Variants in SLC6A6 observed in about 807,000 individuals in gnomAD.
The protein encoded by SLC6A6 is solute carrier family 6 member 6, also known as sodium- and chloride-dependent taurine transporter.
Under a neutral mutation model 68.8 loss-of-function variants are expected in SLC6A6, and 16 were observed. That is an observed-to-expected ratio of 0.23 (90% confidence interval 0.16 to 0.35). The LOEUF is 0.35. SLC6A6 is among the 10% of genes least tolerant of loss of function. The probability of loss-of-function intolerance (pLI) is 1.00; values close to 1 mark genes in which losing one functional copy is unlikely to be tolerated. For missense variants in SLC6A6, 474 were observed against 802.8 expected (o/e 0.59, Z 4.95); for synonymous variants, 312 against 315.4 (o/e 0.99, Z 0.12).
intron 6 of SLC6A6, among the ~76,000 whole-genome samples, chr3:14,463,368 G>T (rs575747882): frequency 6.6e-6 from 1 of 152,204 alleles, no homozygotes; most frequent in Non-Finnish European, 1.5e-5. Context: ...CACAAAATCC[G>T]CACTGCATAA....
intron 5 of SLC6A6, among the ~76,000 whole-genome samples, chr3:14,452,964 T>G (rs985885341): frequency 1.3e-5 from 2 of 152,194 alleles, no homozygotes; most frequent in East Asian, 3.9e-4. Context: ...CACGTATCAT[T>G]AGACTTTATT....
chr3:14,442,418 T>C (rs1211305631), intron 2 of SLC6A6, among the ~76,000 whole-genome samples: 1 of 152,174 alleles, frequency 6.6e-6, no homozygotes, highest in East Asian at 1.9e-4. Flanking sequence ...AGCTCATCCG[T>C]TTTCTGTGTC....
At chr3:14,432,518 G>T (rs1001148304) in intron 2 of SLC6A6, among the ~76,000 whole-genome samples, 4 of 152,202 alleles carry the variant, frequency 2.6e-5, no homozygotes, top group African/African-American at 9.7e-5. Context: ...GGGCCATGGG[G>T]GAAGGAGATG....
At chr3:14,451,770 A>G (rs1208949306) in intron 5 of SLC6A6, among the ~76,000 whole-genome samples, 1 of 152,146 alleles carries the variant, frequency 6.6e-6, no homozygotes, top group East Asian at 1.9e-4. Flanking sequence ...CCCCCTGAAG[A>G]TAGCCACCAA....
rs555960919 is a variant in SLC6A6, at chr3:14,478,667, G to A, written c.1450+99G>A. On this transcript the variant is annotated intron_variant, in intron 12 of 14. Transcript: ENST00000622186. ...GAGAATACTAACAGAAATTCAATTT[G>A]AGTTGAACAGTAGGCCCTCCCTACC... The A allele has an allele frequency of 1.1e-4, 87 of 795,186 alleles. No homozygotes were observed. In the African/African-American group the frequency reaches 1.3e-3, roughly 12 times the overall value. The allele number at this position is 795,186 out of a possible 1,614,324, so 49.3% of individuals were successfully genotyped here.
chr3:14,435,155 G>A (rs1699823117), intron 2 of SLC6A6, among the ~76,000 whole-genome samples: 1 of 152,322 alleles, frequency 6.6e-6, no homozygotes, highest in Non-Finnish European at 1.5e-5. Context: ...TGGCACCAAG[G>A]TCATGGAGTT....
rs1701253236 is a variant in SLC6A6 at position 14,488,923 on chromosome 3, T to A, written c.*3916T>A. The A allele has an allele frequency of 6.6e-6, 1 of 152,620 alleles. No homozygotes were observed. The highest frequency in any genetic ancestry group is 1.5e-5 in the Non-Finnish European group (1 of 68,040). The allele number at this position is 152,620 out of a possible 1,614,324, so 9.5% of individuals were successfully genotyped here. On this transcript the variant is annotated 3_prime_UTR_variant, in exon 15 of 15. Transcript: ENST00000622186. The stretch of plus-strand genomic sequence containing the variant: ...AGATGTTGGCTTCATTTTTTTTTTT[T>A]ACCCAATTAATCTCCCAATCCCTAG...
At chr3:14,417,422 C>T (rs560846003) in intron 2 of SLC6A6, among the ~76,000 whole-genome samples, 16 of 152,090 alleles carry the variant, frequency 1.1e-4, no homozygotes, top group Admixed American at 3.3e-4. Context: ...CACCTCAATC[C>T]TTCAGGCCTT....
At chr3:14,479,766 T>C (rs983393128) in intron 13 of SLC6A6, among the ~76,000 whole-genome samples, 3 of 152,192 alleles carry the variant, frequency 2.0e-5, no homozygotes, top group African/African-American at 7.2e-5. Context: ...TCGCCCACCA[T>C]GTTGGAGTTG....
intron 14 of SLC6A6, among the ~76,000 whole-genome samples, chr3:14,482,926 A>G (rs976151661): frequency 1.3e-5 from 2 of 152,136 alleles, no homozygotes; most frequent in African/African-American, 2.4e-5. Context: ...GTGACCCCAC[A>G]ATACTCCAGG....
chr3:14,484,789 G>T, intron 14 of SLC6A6, 78 bp from the exon 15 acceptor site: 1 of 1,476,230 alleles, frequency 6.8e-7, no homozygotes, highest in Non-Finnish European at 9.4e-7. Context: ...GCCAATTCAG[G>T]AGGAGGCAGA....
intron 2 of SLC6A6, among the ~76,000 whole-genome samples, chr3:14,429,480 G>A (rs1159110971): frequency 6.6e-6 from 1 of 152,246 alleles, no homozygotes; most frequent in Non-Finnish European, 1.5e-5. Flanking sequence ...CTCACAGTCT[G>A]GCAGATGAGA....
chr3:14,477,739 G>T lies in SLC6A6; in HGVS notation c.1347+397G>T, dbSNP rs922283935. On this transcript the variant is annotated intron_variant, in intron 11 of 14. Transcript: ENST00000622186. This position sits in a 1 kb window ranked among gnomAD's most constrained non-coding sequence, Gnocchi z 4.2. ...AGGAAATACCACAGCACCACGTAGA[G>T]GTGCACCACCTTGCAGGTCACCTGC... Among the ~76,000 whole-genome samples, 1 of 152,172 alleles carries T rather than the reference G, an allele frequency of 6.6e-6. No homozygotes were observed. The highest frequency in any genetic ancestry group is 1.5e-5 in the Non-Finnish European group (1 of 68,042).
Position 14,468,363 on chromosome 3 carries a change from C to T in SLC6A6, c.1096+151C>T. On this transcript the variant is annotated intron_variant, in intron 9 of 14. Coordinates refer to ENST00000622186, the MANE Select transcript of SLC6A6 (RefSeq NM_003043.6). The surrounding 1 kb of genome is among the most constrained non-coding windows in gnomAD (Gnocchi z 4.5). ...CCCCCCCCGCCACCAAGATATCCCC[C>T]AAATTTCAAAGAGTACAAAGCCAAA... 1.4e-6 allele frequency: 1 copy of T among 726,028 alleles called. No individual in the cohort carries two copies. Among genetic ancestry groups the T allele is most frequent in the Non-Finnish European group, 2.2e-6 (1 of 460,436 alleles). 45.0% of individuals were successfully genotyped at this position (726,028 alleles called of 1,614,324 possible). A position where few individuals can be genotyped will look rare whatever the true frequency, so the allele number is the denominator to read the frequency against.
chr3:14,445,620 ATT>A (rs1700101473), intron 3 of SLC6A6, 95 bp from the exon 4 acceptor site: 2 of 1,389,336 alleles, frequency 1.4e-6, no homozygotes, highest in Non-Finnish European at 2.0e-6. Context: ...CCCCTCATGC[ATT>A]CTCTCTGGTT....
Position 14,468,320 on chromosome 3 carries a change from T to G in SLC6A6, c.1096+108T>G. The G allele has an allele frequency of 1.0e-6, 1 of 960,852 alleles. No homozygotes were observed. The highest frequency in any genetic ancestry group is 1.5e-6 in the Non-Finnish European group (1 of 687,130). 59.5% of individuals were successfully genotyped at this position (960,852 alleles called of 1,614,324 possible). A position where few individuals can be genotyped will look rare whatever the true frequency, so the allele number is the denominator to read the frequency against. On this transcript the variant is annotated intron_variant, in intron 9 of 14. Transcript: ENST00000622186. The surrounding 1 kb of genome is among the most constrained non-coding windows in gnomAD (Gnocchi z 4.5). ...AGGGGGCTTTGAGGGGGGACGAGCC[T>G]GGTTTCTAAAATGGACCCCCCCCCC...
rs200777190 is a variant in SLC6A6 at position 14,443,790 on chromosome 3, C to G, written c.156C>G (p.Leu52=). Residue 52 remains leucine, a synonymous_variant, in exon 3 of 15, where the codon CTC becomes CTG. Coordinates refer to ENST00000622186, the MANE Select transcript of SLC6A6 (RefSeq NM_003043.6). ...EKWSSKIDFV[L]SVAGGFVGLG... is the part of the protein sequence containing the mutation. ...GGTCTAGCAAGATCGACTTTGTGCT[C>G]TCTGTGGCTGGCGGCTTCGTGGGCT... 25 of 1,614,080 alleles carry G rather than the reference C, an allele frequency of 1.5e-5. No homozygotes were observed. Among genetic ancestry groups the G allele is most frequent in the African/African-American group, 1.3e-5 (1 of 74,948 alleles).
chr3:14,447,795 C>G lies in SLC6A6; in HGVS notation c.578C>G (p.Ser193Cys), dbSNP rs761777238. 3.7e-6 allele frequency: 6 copies of G among 1,614,242 alleles called. No homozygotes were observed. Among genetic ancestry groups the G allele is most frequent in the Non-Finnish European group, 5.1e-6 (6 of 1,180,048 alleles). Reference protein sequence around the residue: ...WITISSTNFTSPVIEFWERNV... With the variant: ...WITISSTNFTCPVIEFWERNV... ...ACCATCAGCTCCACCAACTTCACCT[C>G]CCCTGTCATCGAGTTCTGGGAGTAA... The change falls in exon 5 of 15, where the codon TCC becomes TGC. Residue 193 changes from serine to cysteine, a missense_variant. Ser to Cys is a moderately radical substitution (Grantham distance 112, BLOSUM62 -1). Around this residue, in one of 2 missense-constraint regions of SLC6A6, gnomAD observed 280 missense variants for 533.1 expected, o/e 0.53. Coordinates refer to ENST00000622186, the MANE Select transcript of SLC6A6 (RefSeq NM_003043.6).
At chr3:14,433,246 G>C (rs926700553) in intron 2 of SLC6A6, among the ~76,000 whole-genome samples, 1 of 152,164 alleles carries the variant, frequency 6.6e-6, no homozygotes, top group Non-Finnish European at 1.5e-5. Flanking sequence ...GCGAGTGCCT[G>C]CTCAGAGCAG....
Sources: gnomAD v4.1 joint callset for allele counts (sites outside exome capture counted in the v4.1 genomes callset) on GRCh38, gnomAD v4.1.1 for gene constraint, gnomAD v4.1.1 regional missense constraint, Gnocchi (gnomAD v3.1) non-coding constraint, MANE v1.5 for transcripts, NCBI Gene and HGNC (gene_info 2026-07-23, HGNC 2026-07-21) for gene names.